OSBPL9: variants seen among roughly 807,000 people sequenced by gnomAD.
OSBPL9 encodes the protein oxysterol-binding protein-related protein 9.
In OSBPL9, 40 loss-of-function variants were observed where a neutral mutation model predicts 106.6. The observed-to-expected ratio is 0.38, with a 90% CI of 0.29 to 0.49. The LOEUF is 0.49. Among genes scored for constraint, OSBPL9 ranks in the 20% least tolerant of loss-of-function variants. The pLI is 0.97. For missense variants in OSBPL9, 609 were observed against 887.2 expected (o/e 0.69, Z 3.98); for synonymous variants, 269 against 295.4 (o/e 0.91, Z 0.92).
chr1:51,706,022 A>G (rs1455223492), intron 3 of OSBPL9, among the ~76,000 whole-genome samples: 1 of 152,162 alleles, frequency 6.6e-6, no homozygotes, highest in African/African-American at 2.4e-5. Context: ...AGATTTGCCT[A>G]TAATTTTTCT....
At chr1:51,673,323 T>A (rs1304379002) in intron 3 of OSBPL9, among the ~76,000 whole-genome samples, 1 of 152,144 alleles carries the variant, frequency 6.6e-6, no homozygotes, top group East Asian at 1.9e-4. Flanking sequence ...GATTTTAAGA[T>A]AGGAGTGGAG....
intron 1 of OSBPL9, among the ~76,000 whole-genome samples, chr1:51,636,791 AAAAT>A (rs546021685): frequency 6.6e-6 from 1 of 151,682 alleles, no homozygotes; most frequent in East Asian, 1.9e-4. Flanking sequence ...CTCTACTTTA[AAAAT>A]AAATAAATAA....
the OSBPL9 span, among the ~76,000 whole-genome samples, chr1:51,536,882 G>C: frequency 6.6e-6 from 1 of 152,312 alleles, no homozygotes; most frequent in Admixed American, 6.5e-5. Context: ...TGTTCACTTT[G>C]ATCAGCGGAT....
intron 2 of OSBPL9, among the ~76,000 whole-genome samples, chr1:51,599,490 A>T (rs529673872): frequency 7.9e-5 from 12 of 152,206 alleles, no homozygotes; most frequent in African/African-American, 1.4e-4. Context: ...GATGAATTTT[A>T]AAAAAATTAT....
chr1:51,745,444 A>G, intron 4 of OSBPL9, 92 bp from the exon 5 acceptor site: 1 of 1,512,024 alleles, frequency 6.6e-7, no homozygotes. Flanking sequence ...TTAAAAATTG[A>G]AATGTCTTCA....
At chr1:51,648,132 A>G (rs1244434137) in intron 1 of OSBPL9, among the ~76,000 whole-genome samples, 1 of 152,204 alleles carries the variant, frequency 6.6e-6, no homozygotes, top group East Asian at 1.9e-4. Context: ...GACATTTGTT[A>G]GCAGGTTTCA....
intron 1 of OSBPL9, among the ~76,000 whole-genome samples, chr1:51,643,612 A>T (rs1053219138): frequency 1.3e-5 from 2 of 152,048 alleles, no homozygotes; most frequent in East Asian, 3.9e-4. Context: ...AAATTGATAA[A>T]TGTGCATTTT....
At chr1:51,786,117 T>C in intron 21 of OSBPL9, 1 of 528,154 alleles carries the variant, frequency 1.9e-6, no homozygotes, top group Non-Finnish European at 3.3e-6. Context: ...TTTACTTTTC[T>C]CTCTGCTCTC....
At chr1:51,619,784 A>G (rs998874079) in intron 1 of OSBPL9, among the ~76,000 whole-genome samples, 34 of 152,252 alleles carry the variant, frequency 2.2e-4, no homozygotes, top group African/African-American at 7.7e-4. Context: ...ATTTCAGTCC[A>G]TTCGGATTCT....
the OSBPL9 span, among the ~76,000 whole-genome samples, chr1:51,530,598 A>C: frequency 3.2e-4 from 49 of 152,076 alleles, no homozygotes; most frequent in African/African-American, 1.1e-3. Flanking sequence ...AACAAAAAAA[A>C]AATTAGCCAG....
chr1:51,540,971 C>CAA, the OSBPL9 span, among the ~76,000 whole-genome samples: 5 of 135,696 alleles, frequency 3.7e-5, no homozygotes, highest in African/African-American at 1.1e-4. Context: ...AAAAAAAAAA[C>CAA]AAAAAAAAAA....
intron 12 of OSBPL9, among the ~76,000 whole-genome samples, chr1:51,771,062 C>T (rs1180214539): frequency 6.6e-6 from 1 of 152,034 alleles, no homozygotes; most frequent in Non-Finnish European, 1.5e-5. Flanking sequence ...GGTGTGGAGA[C>T]AGGGAATGTA....
chr1:51,784,396 C>T, intron 19 of OSBPL9, 46 bp from the exon 20 acceptor site: 1 of 1,612,464 alleles, frequency 6.2e-7, no homozygotes, highest in Non-Finnish European at 8.5e-7. Context: ...CCTTCCCCCT[C>T]TTCCTCTTAA....
Position 51,729,766 on chromosome 1 carries a change from A to C in OSBPL9, c.318+15687A>C. The C allele has an allele frequency of 3.4e-6, 4 of 1,191,710 alleles. No homozygotes were observed. The highest frequency in any genetic ancestry group is 4.2e-6 in the Non-Finnish European group (4 of 948,040). The allele number at this position is 1,191,710 out of a possible 1,614,324, so 73.8% of individuals were successfully genotyped here. A position where few individuals can be genotyped will look rare whatever the true frequency, so the allele number is the denominator to read the frequency against. The stretch of plus-strand genomic sequence containing the variant: ...TGCCAGGAGCCGCCAGGGCCAGCCA[A>C]TCGGGGCGACCCCTCCGCCGGGGAG... On this transcript the variant is annotated intron_variant, in intron 4 of 23. Transcript: ENST00000428468. The surrounding 1 kb of genome is among the most constrained non-coding windows in gnomAD (Gnocchi z 5.1).
intron 2 of OSBPL9, among the ~76,000 whole-genome samples, chr1:51,606,784 C>T (rs976578602): frequency 5.9e-5 from 9 of 152,080 alleles, no homozygotes; most frequent in African/African-American, 2.2e-4. Context: ...CGCGGTGGCT[C>T]ACGCCTGTAA....
chr1:51,522,700 T>C, the OSBPL9 span, among the ~76,000 whole-genome samples: 1 of 152,170 alleles, frequency 6.6e-6, no homozygotes, highest in Non-Finnish European at 1.5e-5. Flanking sequence ...ATTTATCTGT[T>C]TTTTCTAGGA....
chr1:51,543,137 T>A, the OSBPL9 span, among the ~76,000 whole-genome samples: 1 of 152,102 alleles, frequency 6.6e-6, no homozygotes, highest in Non-Finnish European at 1.5e-5. Context: ...TGGAGAGAAA[T>A]AACCATTTCT....
intron 4 of OSBPL9, among the ~76,000 whole-genome samples, chr1:51,734,969 T>G (rs1166793023): frequency 6.6e-6 from 1 of 152,226 alleles, no homozygotes; most frequent in African/African-American, 2.4e-5. Flanking sequence ...GCTTCTCAGC[T>G]CCTCAGTTTG....
chr1:51,592,926 G>A (rs1190417073), intron 1 of OSBPL9, among the ~76,000 whole-genome samples: 4 of 152,174 alleles, frequency 2.6e-5, no homozygotes, highest in Non-Finnish European at 5.9e-5. Context: ...AGCTGGGGCA[G>A]GGAAATGGGC....
Sources: gnomAD v4.1 joint callset for allele counts (sites outside exome capture counted in the v4.1 genomes callset) on GRCh38, gnomAD v4.1.1 for gene constraint, Gnocchi (gnomAD v3.1) non-coding constraint, MANE v1.5 for transcripts, NCBI Gene and HGNC (gene_info 2026-07-23, HGNC 2026-07-21) for gene names.